TTC28: variants seen among roughly 807,000 people sequenced by gnomAD.
TTC28 encodes tetratricopeptide repeat domain 28.
A neutral mutation model predicts 198.0 loss-of-function variants in TTC28; 61 were observed. The observed-to-expected ratio is 0.31, with a 90% CI of 0.25 to 0.38. TTC28 has a LOEUF of 0.38. TTC28 is among the 10% of genes least tolerant of loss of function. TTC28 has a pLI of 1.00. For missense variants in TTC28, 2,678 were observed against 3,164.0 expected (o/e 0.85, Z 3.69); for synonymous variants, 1,171 against 1,297.8 (o/e 0.90, Z 2.10).
intron 2 of TTC28, among the ~76,000 whole-genome samples, chr22:28,386,400 G>A (rs1007098264): frequency 6.7e-6 from 1 of 149,448 alleles, no homozygotes; most frequent in African/African-American, 2.5e-5. Context: ...GCTCTCTCAT[G>A]ATGGGCAGGG....
intron 5 of TTC28, among the ~76,000 whole-genome samples, chr22:28,222,238 C>T (rs1465115675): frequency 1.3e-5 from 2 of 152,194 alleles, no homozygotes. Context: ...TACAGTCAGA[C>T]ATTTCCCCTG....
intron 2 of TTC28, among the ~76,000 whole-genome samples, chr22:28,568,399 A>C (rs2050012430): frequency 6.6e-6 from 1 of 152,188 alleles, no homozygotes; most frequent in Non-Finnish European, 1.5e-5. Context: ...AAAGACATAC[A>C]AATAGGAAGA....
intron 2 of TTC28, among the ~76,000 whole-genome samples, chr22:28,439,037 C>A (rs2047570635): frequency 6.6e-6 from 1 of 152,096 alleles, no homozygotes; most frequent in South Asian, 2.1e-4. Flanking sequence ...ATCTATGAAT[C>A]AACTGAAATA....
intron 2 of TTC28, among the ~76,000 whole-genome samples, chr22:28,355,434 T>TA (rs1468226998): frequency 1.3e-5 from 2 of 152,178 alleles, no homozygotes; most frequent in African/African-American, 4.8e-5. Flanking sequence ...CTTACCTTTT[T>TA]AAAAAAGAAG....
At chr22:28,422,274 G>A (rs1368746941) in intron 2 of TTC28, among the ~76,000 whole-genome samples, 1 of 152,108 alleles carries the variant, frequency 6.6e-6, no homozygotes, top group East Asian at 1.9e-4. Context: ...CAAGGAGTAA[G>A]GGATTCTATA....
At chr22:28,348,659 G>A (rs549648278) in intron 2 of TTC28, among the ~76,000 whole-genome samples, 7 of 152,182 alleles carry the variant, frequency 4.6e-5, no homozygotes, top group South Asian at 2.1e-4. Flanking sequence ...ACAAACATGC[G>A]GACCTTTCAT....
At chr22:28,316,301 C>T (rs2045350344) in intron 2 of TTC28, among the ~76,000 whole-genome samples, 1 of 152,084 alleles carries the variant, frequency 6.6e-6, no homozygotes, top group African/African-American at 2.4e-5. Context: ...CCTGTCTGAC[C>T]CGTTTCTTCC....
At chr22:28,215,596 A>T (rs1927324623) in intron 5 of TTC28, among the ~76,000 whole-genome samples, 1 of 152,134 alleles carries the variant, frequency 6.6e-6, no homozygotes, top group South Asian at 2.1e-4. Flanking sequence ...ATGATTTTAA[A>T]GCATGCACAC....
intron 5 of TTC28, among the ~76,000 whole-genome samples, chr22:28,274,750 C>T (rs1184128222): frequency 6.6e-6 from 1 of 151,976 alleles, no homozygotes; most frequent in Admixed American, 6.6e-5. Flanking sequence ...GGGGCCGAGG[C>T]GGGCGGATCA....
intron 5 of TTC28, among the ~76,000 whole-genome samples, chr22:28,177,530 A>G (rs1923281912): frequency 6.6e-6 from 1 of 152,242 alleles, no homozygotes; most frequent in Admixed American, 6.5e-5. Flanking sequence ...AGTTGAACAC[A>G]TGTCCACACG....
intron 5 of TTC28, among the ~76,000 whole-genome samples, chr22:28,210,745 C>T (rs12168652): frequency 0.072 from 10,924 of 152,158 alleles, 458 homozygotes; most frequent in South Asian, 0.091. Flanking sequence ...ACTTCCCCAA[C>T]CTAGCAAGGC....
chr22:28,037,038 CA>C (rs1476421283), intron 12 of TTC28, among the ~76,000 whole-genome samples: 2 of 151,924 alleles, frequency 1.3e-5, no homozygotes, highest in African/African-American at 4.8e-5. Context: ...GCTTACCAAC[CA>C]AAAAAAGTCC....
At chr22:28,440,940 G>A (rs9613613) in intron 2 of TTC28, among the ~76,000 whole-genome samples, 6,822 of 152,256 alleles carry the variant, frequency 0.045, 251 homozygotes, top group Admixed American at 0.12. Flanking sequence ...GTATTTGATG[G>A]CTCAGCTTAT....
At chr22:27,993,212 C>A in intron 18 of TTC28, 75 bp downstream of exon 18, 1 of 1,317,586 alleles carries the variant, frequency 7.6e-7, no homozygotes, top group African/African-American at 1.5e-5. Flanking sequence ...CTCATGAATG[C>A]GGGGCCCAAG....
At chr22:28,571,983 A>C (rs926487213) in intron 2 of TTC28, among the ~76,000 whole-genome samples, 7 of 151,426 alleles carry the variant, frequency 4.6e-5, no homozygotes, top group South Asian at 2.1e-4. Flanking sequence ...CAAAAAAAAA[A>C]CCGATAATGT....
At chr22:28,053,976 T>C (rs914440889) in intron 12 of TTC28, among the ~76,000 whole-genome samples, 1 of 152,210 alleles carries the variant, frequency 6.6e-6, no homozygotes, top group Non-Finnish European at 1.5e-5. Context: ...TCCTGACGTT[T>C]GTTAGCTAAA....
chr22:28,256,964 C>T (rs904632657), intron 5 of TTC28, among the ~76,000 whole-genome samples: 1 of 152,174 alleles, frequency 6.6e-6, no homozygotes, highest in Non-Finnish European at 1.5e-5. Flanking sequence ...TGTCTGAGCT[C>T]AGGAGTTTGA....
chr22:28,356,843 A>C (rs2046084955), intron 2 of TTC28, among the ~76,000 whole-genome samples: 1 of 152,200 alleles, frequency 6.6e-6, no homozygotes, highest in Non-Finnish European at 1.5e-5. Flanking sequence ...TCAGTTAAAA[A>C]ATATAAATTC....
intron 12 of TTC28, among the ~76,000 whole-genome samples, chr22:28,061,594 A>G (rs112884957): frequency 0.083 from 12,628 of 152,258 alleles, 714 homozygotes; most frequent in South Asian, 0.24. Context: ...TTTTGGTACC[A>G]GTACCATGCT....
Sources: gnomAD v4.1 joint callset for allele counts (sites outside exome capture counted in the v4.1 genomes callset) on GRCh38, gnomAD v4.1.1 for gene constraint, MANE v1.5 for transcripts, NCBI Gene and HGNC (gene_info 2026-07-23, HGNC 2026-07-21) for gene names.